Variants in AHI1 observed in about 807,000 individuals in gnomAD.
AHI1 encodes Abelson helper integration site 1.
AHI1 carries 123 observed loss-of-function variants against 149.3 expected under a neutral mutation model. The observed-to-expected ratio is 0.82, with a 90% CI of 0.71 to 0.96. The LOEUF (loss-of-function observed/expected upper bound fraction) is 0.96. AHI1 is among the 40% of genes least tolerant of loss of function. AHI1 has a pLI of 0.00. For missense variants in AHI1, 1,439 were observed against 1,422.7 expected (o/e 1.01, Z -0.18); for synonymous variants, 475 against 459.8 (o/e 1.03, Z -0.42).
intron 22 of AHI1, among the ~76,000 whole-genome samples, chr6:135,395,609 T>G (rs1417065543): frequency 6.6e-6 from 1 of 151,922 alleles, no homozygotes; most frequent in Non-Finnish European, 1.5e-5. Flanking sequence ...TGAAAAAGCT[T>G]GAAATGTTTA....
At chr6:135,382,961 AAAAT>A (rs1319343003) in intron 23 of AHI1, among the ~76,000 whole-genome samples, 1 of 141,494 alleles carries the variant, frequency 7.1e-6, no homozygotes, top group Non-Finnish European at 1.5e-5. Flanking sequence ...ATATACATAT[AAAAT>A]AATAATAATT....
chr6:135,486,137 TTAACA>T (rs1244912644), intron 5 of AHI1, among the ~76,000 whole-genome samples: 1 of 152,232 alleles, frequency 6.6e-6, no homozygotes, highest in East Asian at 1.9e-4. Context: ...GTTTCATGCC[TTAACA>T]TATTTACTTC....
At chr6:135,317,434 C>T (rs1330956356) in intron 26 of AHI1, among the ~76,000 whole-genome samples, 1 of 149,850 alleles carries the variant, frequency 6.7e-6, no homozygotes, top group Non-Finnish European at 1.5e-5. Context: ...GTTTTTCTAA[C>T]TTCACTGACC....
At chr6:135,362,945 T>G (rs546382622) in intron 23 of AHI1, among the ~76,000 whole-genome samples, 2 of 152,076 alleles carry the variant, frequency 1.3e-5, no homozygotes, top group African/African-American at 4.8e-5. Context: ...AGCCAATGTC[T>G]AGTAGTGTTT....
intron 26 of AHI1, chr6:135,301,710 A>G (rs1783900553): frequency 7.1e-6 from 7 of 985,448 alleles, no homozygotes; most frequent in African/African-American, 1.7e-5. Context: ...GCAACAGGTG[A>G]CCCATTTGGT....
In AHI1 at chr6:135,446,175, T is replaced by C. The variant is rs538889490; in HGVS notation, c.1779+833A>G. ...CTCCTCCCACTCACACCCCCACCCC[T>C]TGTCACCCAAATGAATATGCTAAAG... On this transcript the variant is annotated intron_variant, in intron 13 of 28. Transcript: ENST00000265602. Among the ~76,000 whole-genome samples, 25 of 152,180 alleles carry C rather than the reference T, an allele frequency of 1.6e-4. No individual in the cohort carries two copies. The East Asian group carries it at 4.6e-3, about 28-fold the overall frequency.
chr6:135,444,348 G>A (rs1235480633), intron 13 of AHI1, among the ~76,000 whole-genome samples: 4 of 152,002 alleles, frequency 2.6e-5, no homozygotes, highest in Admixed American at 1.3e-4. Flanking sequence ...CAAGTATTAG[G>A]CTACCATTTG....
At chr6:135,379,567 T>C (rs2746433) in intron 23 of AHI1, among the ~76,000 whole-genome samples, 102,230 of 152,056 alleles carry the variant, frequency 0.67, 35,792 homozygotes, top group African/African-American at 0.89. Flanking sequence ...GTTCATTCCT[T>C]TTACAGCAAA....
rs144558305 is a variant in AHI1, at chr6:135,404,640, T to C, written c.2988+311A>G. On this transcript the variant is annotated intron_variant, in intron 22 of 28. Transcript: ENST00000265602. The stretch of plus-strand genomic sequence containing the variant: ...ACTGGAACTATATTGACCGGTGTCT[T>C]ATACAAATTAAATATCATATAAAAT... 1.8e-3 allele frequency among the ~76,000 whole-genome samples: 267 copies of C among 152,384 alleles called. 1 individual carries two copies. Among genetic ancestry groups the C allele is most frequent in the African/African-American group, 6.2e-3 (259 of 41,604 alleles).
intron 5 of AHI1, 116 bp from the exon 6 acceptor site, chr6:135,467,750 C>T: frequency 1.5e-6 from 1 of 655,462 alleles, no homozygotes; most frequent in Admixed American, 3.2e-5. Context: ...AGTTTTTTTA[C>T]CTGGACATAG....
At chr6:135,297,837 T>G (rs958527542) in intron 27 of AHI1, among the ~76,000 whole-genome samples, 1 of 152,152 alleles carries the variant, frequency 6.6e-6, no homozygotes, top group African/African-American at 2.4e-5. Flanking sequence ...GGAATGGTTA[T>G]TATAAAGATG....
chr6:135,371,361 A>G (rs150879187), intron 23 of AHI1, among the ~76,000 whole-genome samples: 4 of 152,194 alleles, frequency 2.6e-5, no homozygotes, highest in Non-Finnish European at 5.9e-5. Flanking sequence ...AGTGTTTTAG[A>G]TATGTCAGGT....
intron 22 of AHI1, among the ~76,000 whole-genome samples, chr6:135,402,422 G>A (rs1583047990): frequency 6.6e-6 from 1 of 152,170 alleles, no homozygotes; most frequent in Non-Finnish European, 1.5e-5. Context: ...CAACCCAAAT[G>A]TTCATAAACT....
intron 24 of AHI1, among the ~76,000 whole-genome samples, chr6:135,343,740 CA>C (rs1359404725): frequency 6.6e-6 from 1 of 151,264 alleles, no homozygotes; most frequent in Admixed American, 6.6e-5. Context: ...ACACCATCTA[CA>C]AAAATAAAGT....
chr6:135,464,880 C>T (rs994014862), intron 7 of AHI1, among the ~76,000 whole-genome samples: 6 of 152,198 alleles, frequency 3.9e-5, no homozygotes, highest in African/African-American at 1.4e-4. Context: ...TTGACAGAGA[C>T]ACCCAGTGAA....
intron 5 of AHI1, among the ~76,000 whole-genome samples, chr6:135,479,059 T>C (rs1793177301): frequency 6.6e-6 from 1 of 152,224 alleles, no homozygotes; most frequent in East Asian, 1.9e-4. Flanking sequence ...TTACAGAGGA[T>C]GTATAGAAAT....
chr6:135,460,297 A>G (rs576413712), intron 8 of AHI1, among the ~76,000 whole-genome samples: 74 of 152,330 alleles, frequency 4.9e-4, no homozygotes, highest in Non-Finnish European at 8.4e-4. Context: ...CAAATACAAA[A>G]CAAAAATTTT....
chr6:135,493,219 G>C (rs1795501243), intron 3 of AHI1, among the ~76,000 whole-genome samples: 1 of 152,050 alleles, frequency 6.6e-6, no homozygotes, highest in African/African-American at 2.4e-5. Flanking sequence ...GGCTGGTCTT[G>C]AACTCCTGAC....
At chr6:135,287,225 G>A (rs1781794484) in intron 28 of AHI1, among the ~76,000 whole-genome samples, 1 of 152,150 alleles carries the variant, frequency 6.6e-6, no homozygotes, top group Non-Finnish European at 1.5e-5. Context: ...ATCAGGTGGT[G>A]ACTGCACTGT....
Sources: gnomAD v4.1 joint callset for allele counts (sites outside exome capture counted in the v4.1 genomes callset) on GRCh38, gnomAD v4.1.1 for gene constraint, MANE v1.5 for transcripts, NCBI Gene and HGNC (gene_info 2026-07-23, HGNC 2026-07-21) for gene names.